The following PARVB variants were observed in gnomAD, a reference collection of about 807,000 sequenced individuals.
PARVB encodes parvin beta.
A neutral mutation model predicts 47.0 loss-of-function variants in PARVB; 46 were observed. That is an observed-to-expected ratio of 0.98 (90% CI 0.77 to 1.25). The LOEUF (loss-of-function observed/expected upper bound fraction) is 1.25. Among genes scored for constraint, PARVB ranks in the 50% most tolerant of loss-of-function variants. PARVB has a pLI of 0.00. For synonymous variants in PARVB, 196 were observed against 196.3 expected, an observed-to-expected ratio of 1.00 and a Z score of 0.01; for missense variants, 473 against 471.6, an observed-to-expected ratio of 1.00 and a Z score of -0.03.
Position 44,148,187 on chromosome 22 carries a change from G to A in PARVB, c.774+265G>A, listed in dbSNP as rs1601682968. 9.8e-6 allele frequency: 5 copies of A among 509,508 alleles called. No individual in the cohort carries two copies. In the East Asian group the frequency reaches 1.4e-4, roughly 14 times the overall value. 31.6% of individuals were successfully genotyped at this position (509,508 alleles called of 1,614,324 possible). ...AATTACCCAGCCCCCATTTCTTTCT[G>A]ACTCGAGACCTTTTTTCAATGTGGA... On this transcript the variant is annotated intron_variant, in intron 9 of 12. Transcript: ENST00000338758.
At chr22:44,164,755 T>A (rs2054130053) in intron 12 of PARVB, among the ~76,000 whole-genome samples, 1 of 152,176 alleles carries the variant, frequency 6.6e-6, no homozygotes, top group African/African-American at 2.4e-5. Flanking sequence ...TGGTGCTATA[T>A]GAGTTGGGAG....
intron 1 of PARVB, chr22:44,069,302 T>C: frequency 1.3e-6 from 1 of 762,260 alleles, no homozygotes; most frequent in Non-Finnish European, 2.3e-6. Flanking sequence ...AGGAAGGTGA[T>C]GGGGACGTTG....
At chr22:44,002,085 C>T (rs1323417138) in intron 2 of PARVB, among the ~76,000 whole-genome samples, 1 of 152,236 alleles carries the variant, frequency 6.6e-6, no homozygotes, top group African/African-American at 2.4e-5. Context: ...TGCCAGGGTG[C>T]AGGCACTTTC....
At chr22:44,030,276 C>T (rs1418676692) in intron 1 of PARVB, among the ~76,000 whole-genome samples, 1 of 152,244 alleles carries the variant, frequency 6.6e-6, no homozygotes, top group Non-Finnish European at 1.5e-5. Context: ...GGGGACTGAG[C>T]CATGGGGGTC....
At chr22:44,110,543 A>G (rs1163427390) in intron 3 of PARVB, 1 of 151,934 alleles carries the variant, frequency 6.6e-6, no homozygotes, top group East Asian at 1.9e-4. Context: ...TCTTTTTCAG[A>G]TTGTTTTGGC....
Position 44,100,060 on chromosome 22 carries a change from C to G in PARVB, c.210C>G (p.Asn70Lys), listed in dbSNP as rs35276038. Residue 70 changes from asparagine (N) to lysine (K), a missense_variant, in exon 3 of 13, where the codon AAC becomes AAG. By Grantham distance (94) the Asn-to-Lys change is moderately conservative. Coordinates refer to ENST00000338758, the MANE Select transcript of PARVB (RefSeq NM_013327.5). The part of the protein sequence containing the change: ...VHPEDTQLEE[N>K]EERTMIDPTS... ...TCCTTTTGTCCCTGGCAGAGGAGAA[C>G]GAGGAGCGCACGATGATTGACCCCA... is the stretch of plus-strand genomic sequence containing the variant. The G allele has an allele frequency of 1.2e-6, 2 of 1,613,846 alleles. No homozygotes were observed. The highest frequency in any genetic ancestry group is 1.7e-6 in the Non-Finnish European group (2 of 1,179,766).
intron 4 of PARVB, among the ~76,000 whole-genome samples, chr22:44,120,201 C>T (rs978595734): frequency 2.6e-5 from 4 of 152,314 alleles, no homozygotes; most frequent in Admixed American, 6.5e-5. Flanking sequence ...GGCGCTCCTG[C>T]ATGATCACAG....
At chr22:44,069,209 G>A (rs1352591948) in intron 1 of PARVB, 8 of 1,533,076 alleles carry the variant, frequency 5.2e-6, no homozygotes, top group Middle Eastern at 1.7e-4. Flanking sequence ...GCTAAACCCA[G>A]GCCAGCCCTT....
chr22:44,095,453 G>A (rs905004512), intron 2 of PARVB, among the ~76,000 whole-genome samples: 4 of 151,364 alleles, frequency 2.6e-5, no homozygotes, highest in East Asian at 1.9e-4. Flanking sequence ...GCAGTGAGCC[G>A]AGATCGCACC....
chr22:44,046,493 A>G (rs968181561), intron 1 of PARVB, among the ~76,000 whole-genome samples: 1 of 152,200 alleles, frequency 6.6e-6, no homozygotes, highest in African/African-American at 2.4e-5. Flanking sequence ...CAGGAGTGGG[A>G]AAGAGCCCAT....
At chr22:44,086,514 G>A (rs115477506) in intron 1 of PARVB, among the ~76,000 whole-genome samples, 34 of 152,172 alleles carry the variant, frequency 2.2e-4, no homozygotes, top group East Asian at 1.9e-4. Context: ...CTTTGCACGC[G>A]TGATGTGCCA....
intron 4 of PARVB, among the ~76,000 whole-genome samples, chr22:44,131,086 TTTC>T (rs1159553704): frequency 7.8e-6 from 1 of 127,976 alleles, no homozygotes; most frequent in Non-Finnish European, 1.6e-5. Flanking sequence ...TCTTTTTTTC[TTTC>T]TTCTCTCTCT....
At chr22:44,151,145 A>G in intron 9 of PARVB, 1 of 219,840 alleles carries the variant, frequency 4.5e-6, no homozygotes, top group East Asian at 9.5e-5. Flanking sequence ...ATACATTTGC[A>G]AATGTAATGA....
At chr22:44,149,097 G>C (rs1165058058) in intron 9 of PARVB, 2 of 152,136 alleles carry the variant, frequency 1.3e-5, no homozygotes, top group East Asian at 3.9e-4. Flanking sequence ...CCCAGCCTCA[G>C]TTTCCCCATC....
At chr22:44,066,722 G>A (rs1211653536) in intron 1 of PARVB, among the ~76,000 whole-genome samples, 1 of 148,672 alleles carries the variant, frequency 6.7e-6, no homozygotes, top group Non-Finnish European at 1.5e-5. Flanking sequence ...TTTCTTGCTT[G>A]CCTTATGGGG....
intron 4 of PARVB, among the ~76,000 whole-genome samples, chr22:44,124,629 A>G (rs1257101482): frequency 1.4e-5 from 2 of 144,620 alleles, no homozygotes; most frequent in Admixed American, 1.4e-4. Flanking sequence ...CTGGAGGGTC[A>G]GTCCCACAGA....
chr22:44,061,730 C>G (rs1477587766), intron 1 of PARVB, among the ~76,000 whole-genome samples: 1 of 149,278 alleles, frequency 6.7e-6, no homozygotes, highest in Non-Finnish European at 1.5e-5. Context: ...AATTCTCCAG[C>G]CTCAGCCTCC....
At chr22:44,060,006 C>G (rs570308892) in intron 1 of PARVB, among the ~76,000 whole-genome samples, 1 of 152,030 alleles carries the variant, frequency 6.6e-6, no homozygotes, top group Non-Finnish European at 1.5e-5. Flanking sequence ...TGTAAGGTGG[C>G]CTTTTGTATT....
intron 2 of PARVB, among the ~76,000 whole-genome samples, chr22:44,099,450 G>A (rs1340818480): frequency 6.6e-6 from 1 of 152,214 alleles, no homozygotes; most frequent in African/African-American, 2.4e-5. Context: ...CTGAAACGTG[G>A]AGGGAAAGCA....
Sources: gnomAD v4.1 joint callset for allele counts (sites outside exome capture counted in the v4.1 genomes callset) on GRCh38, gnomAD v4.1.1 for gene constraint, MANE v1.5 for transcripts, NCBI Gene and HGNC (gene_info 2026-07-23, HGNC 2026-07-21) for gene names.